Variants in PCED1B observed in about 807,000 individuals in gnomAD.
PCED1B encodes the protein PC-esterase domain-containing protein 1B.
For missense variants in PCED1B, 573 were observed against 573.9 expected (o/e 1.00, Z 0.02); for synonymous variants, 251 against 246.1 (o/e 1.02, Z -0.19).
chr12:47,114,597 T>C (rs1453990930), intron 2 of PCED1B, among the ~76,000 whole-genome samples: 1 of 152,190 alleles, frequency 6.6e-6, no homozygotes, highest in East Asian at 1.9e-4. Flanking sequence ...TAGAGGAGGC[T>C]GCCTCCCCAC....
chr12:47,161,192 C>T (rs1478343540), intron 2 of PCED1B, among the ~76,000 whole-genome samples: 3 of 152,168 alleles, frequency 2.0e-5, no homozygotes, highest in Non-Finnish European at 4.4e-5. Flanking sequence ...CAACACAAAG[C>T]AGTCAAAGAC....
intron 2 of PCED1B, among the ~76,000 whole-genome samples, chr12:47,212,271 ACT>A (rs1943116437): frequency 6.6e-6 from 1 of 151,942 alleles, no homozygotes; most frequent in Non-Finnish European, 1.5e-5. Flanking sequence ...AGAGCAAGAG[ACT>A]CTGTCTCAAA....
intron 2 of PCED1B, among the ~76,000 whole-genome samples, chr12:47,169,805 TTA>T (rs1434751661): frequency 6.6e-6 from 1 of 151,370 alleles, no homozygotes; most frequent in Non-Finnish European, 1.5e-5. Flanking sequence ...CAGTGAACTA[TTA>T]TCATGCCGCT....
chr12:47,227,113 C>T (rs993794206), intron 3 of PCED1B, among the ~76,000 whole-genome samples: 36 of 152,078 alleles, frequency 2.4e-4, no homozygotes, highest in Admixed American at 6.6e-5. Flanking sequence ...TTATCAAGAA[C>T]TTCATTTCCA....
chr12:47,101,674 C>T (rs371007433), intron 1 of PCED1B, among the ~76,000 whole-genome samples: 1 of 152,204 alleles, frequency 6.6e-6, no homozygotes, highest in Non-Finnish European at 1.5e-5. Context: ...GGTCCGGGCA[C>T]GGTGGCTCAC....
chr12:47,157,346 T>G (rs924186199), intron 2 of PCED1B, among the ~76,000 whole-genome samples: 5 of 152,272 alleles, frequency 3.3e-5, no homozygotes, highest in Admixed American at 3.3e-4. Context: ...CTCAGTACTT[T>G]GGGAGACCAA....
rs559712149 is a variant in PCED1B at position 47,193,227 on chromosome 12, G to T, written c.-525-22995G>T. Among the ~76,000 whole-genome samples, 8 of 152,264 alleles carry T rather than the reference G, an allele frequency of 5.3e-5. No individual in the cohort carries two copies. The South Asian group carries it at 1.7e-3, about 32-fold the overall frequency. ...TCAAATTTGTTGTATCCTCAGAGAG[G>T]TTGAGTAACTGACTCAGGTTCACAC... On this transcript the variant is annotated intron_variant, in intron 2 of 3. Coordinates refer to ENST00000546455, the MANE Select transcript of PCED1B (RefSeq NM_138371.3).
chr12:47,173,164 G>GA (rs1182377068), intron 2 of PCED1B, among the ~76,000 whole-genome samples: 23 of 152,282 alleles, frequency 1.5e-4, no homozygotes, highest in Non-Finnish European at 3.2e-4. Context: ...GTAGTAGAAG[G>GA]AAAAAACCAA....
chr12:47,105,771 A>G (rs148437642), intron 2 of PCED1B, among the ~76,000 whole-genome samples: 1 of 152,302 alleles, frequency 6.6e-6, no homozygotes, highest in African/African-American at 2.4e-5. Flanking sequence ...TGTTTGTGGA[A>G]GGAAAAAGTT....
chr12:47,205,317 A>G (rs755651020), intron 2 of PCED1B, among the ~76,000 whole-genome samples: 4 of 152,194 alleles, frequency 2.6e-5, no homozygotes, highest in Non-Finnish European at 5.9e-5. Flanking sequence ...AAATACCTCA[A>G]GCACTGATCT....
intron 2 of PCED1B, among the ~76,000 whole-genome samples, chr12:47,183,893 G>A (rs35456925): frequency 0.31 from 47,784 of 152,080 alleles, 7,882 homozygotes; most frequent in Non-Finnish European, 0.36. Flanking sequence ...AAGGGCCCCC[G>A]CACCAGTTGG....
chr12:47,145,338 C>T (rs1338119745), intron 2 of PCED1B, among the ~76,000 whole-genome samples: 1 of 152,116 alleles, frequency 6.6e-6, no homozygotes, highest in Non-Finnish European at 1.5e-5. Flanking sequence ...CATAAAAGTG[C>T]AAGGTGAAGC....
chr12:47,217,504 G>A (rs1194196313), intron 3 of PCED1B, among the ~76,000 whole-genome samples: 1 of 135,210 alleles, frequency 7.4e-6, no homozygotes, highest in Non-Finnish European at 1.6e-5. Context: ...AAGAAAGAAA[G>A]AAAGAAAGAA....
intron 2 of PCED1B, among the ~76,000 whole-genome samples, chr12:47,204,776 T>C (rs1303633947): frequency 2.0e-5 from 3 of 152,202 alleles, no homozygotes; most frequent in Non-Finnish European, 4.4e-5. Context: ...CCTTATTGTC[T>C]ACAGATGGGC....
At chr12:47,170,176 G>T (rs1308607219) in intron 2 of PCED1B, among the ~76,000 whole-genome samples, 1 of 152,034 alleles carries the variant, frequency 6.6e-6, no homozygotes, top group Admixed American at 6.6e-5. Context: ...AACCCTGAGT[G>T]GACACAGCAC....
intron 2 of PCED1B, among the ~76,000 whole-genome samples, chr12:47,173,263 T>C (rs58649792): frequency 0.015 from 2,319 of 152,322 alleles, 60 homozygotes; most frequent in African/African-American, 0.053. Context: ...CTCCTGTATG[T>C]TTCTTTGTTT....
chr12:47,144,222 A>C (rs1025814791), intron 2 of PCED1B, among the ~76,000 whole-genome samples: 6 of 152,196 alleles, frequency 3.9e-5, no homozygotes, highest in Non-Finnish European at 8.8e-5. Context: ...GCCGAGGAGC[A>C]ATGCACTGAA....
chr12:47,227,942 T>A (rs1943683141), intron 3 of PCED1B, among the ~76,000 whole-genome samples: 1 of 152,052 alleles, frequency 6.6e-6, no homozygotes, highest in Non-Finnish European at 1.5e-5. Context: ...TTAAGTGAAC[T>A]GGTTAGGATA....
chr12:47,165,750 G>A (rs1460151535), intron 2 of PCED1B, among the ~76,000 whole-genome samples: 2 of 152,010 alleles, frequency 1.3e-5, no homozygotes, highest in African/African-American at 4.8e-5. Flanking sequence ...CTTTGGAGCC[G>A]GTTTTGTTAT....
Sources: allele counts gnomAD v4.1 joint callset (sites outside exome capture counted in the v4.1 genomes callset), GRCh38; gene constraint gnomAD v4.1.1; transcripts MANE v1.5; gene names NCBI Gene and HGNC (gene_info 2026-07-23, HGNC 2026-07-21).